Variants in ZNF695 observed in about 807,000 individuals in gnomAD.
ZNF695 encodes zinc finger protein SBZF3.
In ZNF695, 11 loss-of-function variants were observed where a neutral mutation model predicts 11.2. That is an observed-to-expected ratio of 0.98 (90% confidence interval 0.62 to 1.62). The LOEUF is 1.62. Ranked by LOEUF, ZNF695 falls within the 40% of genes most tolerant of loss-of-function variation. The probability of loss-of-function intolerance (pLI) is 0.00; values close to 1 mark genes in which losing one functional copy is unlikely to be tolerated. For missense variants in ZNF695, 559 were observed against 590.5 expected, an observed-to-expected ratio of 0.95 and a Z score of 0.55; for synonymous variants, 190 against 201.4, an observed-to-expected ratio of 0.94 and a Z score of 0.48.
Position 246,985,972 on chromosome 1 carries a change from G to A in ZNF695, c.*995C>T, listed in dbSNP as rs1468144252. 1 of 985,180 alleles carries A rather than the reference G, an allele frequency of 1.0e-6. No homozygotes were observed. The highest frequency in any genetic ancestry group is 1.2e-6 in the Non-Finnish European group (1 of 829,912). The allele number at this position is 985,180 out of a possible 1,614,324, so 61.0% of individuals were successfully genotyped here. On this transcript the variant is annotated 3_prime_UTR_variant, in exon 4 of 4. Coordinates refer to ENST00000339986, the MANE Select transcript of ZNF695 (RefSeq NM_020394.5). ...CCTTCACATAAACACTAGAAATGAA[G>A]GCATGGTATCAAGTGATTTAAGACT...
chr1:246,983,003 A>G (rs1213752348), downstream of ZNF695, among the ~76,000 whole-genome samples: 1 of 152,072 alleles, frequency 6.6e-6, no homozygotes, highest in Non-Finnish European at 1.5e-5. Context: ...GGAGATTGAG[A>G]CCATCCTGGG....
At chr1:246,961,873 A>T (rs190412966) in intron 5 of ZNF695, among the ~76,000 whole-genome samples, 3 of 151,802 alleles carry the variant, frequency 2.0e-5, no homozygotes, top group African/African-American at 7.3e-5. Context: ...CCTCTTCATC[A>T]CTCCCTTCAT....
At chr1:246,973,262 T>G (rs935045336) in intron 4 of ZNF695, among the ~76,000 whole-genome samples, 1 of 152,112 alleles carries the variant, frequency 6.6e-6, no homozygotes, top group Admixed American at 6.5e-5. Flanking sequence ...TCAGTCAGGC[T>G]GGTCTCGAAC....
At chr1:246,990,137 G>A (rs536876318) in intron 3 of ZNF695, among the ~76,000 whole-genome samples, 234 of 149,550 alleles carry the variant, frequency 1.6e-3, no homozygotes, top group Non-Finnish European at 2.8e-3. Flanking sequence ...AGGAAAAGGA[G>A]AAGGGGAAGG....
intron 1 of ZNF695, among the ~76,000 whole-genome samples, chr1:247,006,090 T>C (rs774999177): frequency 6.6e-6 from 1 of 151,714 alleles, no homozygotes; most frequent in Non-Finnish European, 1.5e-5. Flanking sequence ...CCAGGCATAG[T>C]GGCACACGCC....
At chr1:246,980,951 C>T (rs1356589112), downstream of ZNF695, among the ~76,000 whole-genome samples, 1 of 152,062 alleles carries the variant, frequency 6.6e-6, no homozygotes, top group Non-Finnish European at 1.5e-5. Context: ...GCACCAGCTA[C>T]AATCAATGAT....
chr1:246,978,842 T>C (rs1242335628), intron 4 of ZNF695, among the ~76,000 whole-genome samples: 1 of 100,572 alleles, frequency 9.9e-6, no homozygotes, highest in Non-Finnish European at 2.5e-5. Flanking sequence ...CCAAAGCTGC[T>C]TGTCGGGGAA....
intron 5 of ZNF695, among the ~76,000 whole-genome samples, chr1:246,955,037 T>C (rs948081889): frequency 6.6e-6 from 1 of 152,060 alleles, no homozygotes; most frequent in Non-Finnish European, 1.5e-5. Context: ...TGGGAGGTAA[T>C]TGAATCATAG....
At chr1:246,950,961 T>C (rs959276385) in intron 5 of ZNF695, among the ~76,000 whole-genome samples, 2 of 152,218 alleles carry the variant, frequency 1.3e-5, no homozygotes, top group East Asian at 3.8e-4. Flanking sequence ...CAAAGTCATG[T>C]CAACTTGTTT....
intron 5 of ZNF695, among the ~76,000 whole-genome samples, chr1:246,965,338 C>CAG (rs1028666057): frequency 1.5e-5 from 2 of 137,432 alleles, no homozygotes; most frequent in African/African-American, 5.6e-5. Flanking sequence ...GCCTGGGTGA[C>CAG]AGAGAGAGAC....
intron 5 of ZNF695, among the ~76,000 whole-genome samples, chr1:246,957,925 A>G (rs1668041688): frequency 6.6e-6 from 1 of 152,066 alleles, no homozygotes; most frequent in Admixed American, 6.6e-5. Flanking sequence ...GCACCTGTAT[A>G]TTTATTACTA....
chr1:246,958,260 A>T (rs1779974), intron 5 of ZNF695, among the ~76,000 whole-genome samples: 58 of 151,870 alleles, frequency 3.8e-4, no homozygotes, highest in Non-Finnish European at 5.6e-4. Context: ...GGGTTTCACC[A>T]TGTTAGCCAG....
chr1:246,983,512 C>T (rs996050832), downstream of ZNF695, among the ~76,000 whole-genome samples: 2 of 151,852 alleles, frequency 1.3e-5, no homozygotes, highest in Non-Finnish European at 2.9e-5. Context: ...TGACCTCAAA[C>T]TCTCCAGTTA....
intron 1 of ZNF695, among the ~76,000 whole-genome samples, chr1:247,000,455 C>A (rs1474536127): frequency 2.6e-5 from 4 of 152,106 alleles, no homozygotes; most frequent in Non-Finnish European, 4.4e-5. Flanking sequence ...GAGATCACAC[C>A]ACTGCACTAC....
At chr1:246,997,692 A>C (rs1338309146) in intron 3 of ZNF695, among the ~76,000 whole-genome samples, 1 of 152,226 alleles carries the variant, frequency 6.6e-6, no homozygotes, top group Non-Finnish European at 1.5e-5. Context: ...TGAATGGATA[A>C]AGAAAATGTT....
chr1:246,982,698 C>T (rs890367572), downstream of ZNF695, among the ~76,000 whole-genome samples: 3 of 152,144 alleles, frequency 2.0e-5, no homozygotes, highest in Admixed American at 6.6e-5. Context: ...CTTGGCCAGG[C>T]GCGGTGGCTC....
intron 4 of ZNF695, among the ~76,000 whole-genome samples, chr1:246,977,532 A>G (rs967329568): frequency 2.0e-5 from 3 of 152,328 alleles, no homozygotes; most frequent in South Asian, 4.1e-4. Flanking sequence ...AATTACAGGC[A>G]TGAGCCACCA....
At chr1:247,002,770 G>A (rs577938190) in intron 1 of ZNF695, among the ~76,000 whole-genome samples, 3 of 151,586 alleles carry the variant, frequency 2.0e-5, no homozygotes, top group East Asian at 1.9e-4. Flanking sequence ...GTGAAAGAGT[G>A]AGACTCTGTC....
At chr1:246,994,148 T>C (rs1032598308) in intron 3 of ZNF695, among the ~76,000 whole-genome samples, 5 of 152,166 alleles carry the variant, frequency 3.3e-5, no homozygotes, top group African/African-American at 9.7e-5. Flanking sequence ...CATCTGTTCA[T>C]ATAAAAAGAT....
Sources: gnomAD v4.1 joint callset for allele counts (sites outside exome capture counted in the v4.1 genomes callset) on GRCh38, gnomAD v4.1.1 for gene constraint, MANE v1.5 for transcripts, NCBI Gene and HGNC (gene_info 2026-07-23, HGNC 2026-07-21) for gene names.